The following SLC1A2 variants were observed in gnomAD, a reference collection of about 807,000 sequenced individuals.
The protein encoded by SLC1A2 is excitatory amino acid transporter 2.
SLC1A2 carries 15 observed loss-of-function variants against 48.8 expected under a neutral mutation model. The observed-to-expected ratio is 0.31, with a 90% CI of 0.21 to 0.47. The LOEUF (loss-of-function observed/expected upper bound fraction) is 0.47, where lower values mean the gene tolerates loss of function less well. Among genes scored for constraint, SLC1A2 ranks in the 20% least tolerant of loss-of-function variants. The pLI is 0.99. For missense variants in SLC1A2, 502 were observed against 730.5 expected (o/e 0.69, Z 3.61); for synonymous variants, 279 against 272.6 (o/e 1.02, Z -0.23).
At position 35,258,821 on chromosome 11, in the gene SLC1A2, T is replaced by A. The variant is rs1950350042; in HGVS notation, c.*2073A>T. The A allele has an allele frequency of 6.6e-6, 1 of 151,930 alleles. No homozygotes were observed. The highest frequency in any genetic ancestry group is 6.6e-5 in the Admixed American group (1 of 15,206). The allele number at this position is 151,930 out of a possible 1,614,324, so 9.4% of individuals were successfully genotyped here. Reference sequence around the variant, plus strand: ...CAGGCATGGTGGCATGTGCCTGTAGTCCCAGCTACTCGGGAGGCTGAGACA... The same window carrying A: ...CAGGCATGGTGGCATGTGCCTGTAGACCCAGCTACTCGGGAGGCTGAGACA... On this transcript the variant is annotated 3_prime_UTR_variant, in exon 11 of 11. Coordinates refer to ENST00000278379, the MANE Select transcript of SLC1A2 (RefSeq NM_004171.4).
chr11:35,252,402 G>A lies in SLC1A2; in HGVS notation c.*8492C>T, dbSNP rs1950250825. 6.6e-6 allele frequency: 1 copy of A among 152,116 alleles called. No individual in the cohort carries two copies. Among genetic ancestry groups the A allele is most frequent in the African/African-American group, 2.4e-5 (1 of 41,424 alleles). 9.4% of individuals were successfully genotyped at this position (152,116 alleles called of 1,614,324 possible). A position where few individuals can be genotyped will look rare whatever the true frequency, so the allele number is the denominator to read the frequency against. On this transcript the variant is annotated 3_prime_UTR_variant, in exon 11 of 11. Coordinates refer to ENST00000278379, the MANE Select transcript of SLC1A2 (RefSeq NM_004171.4). Reference sequence around the variant, plus strand: ...ATCCACCAAGCAAAGGAGGACTGTAGATGGATGTTCTCATTCTAAACCTAC... The same window carrying A: ...ATCCACCAAGCAAAGGAGGACTGTAAATGGATGTTCTCATTCTAAACCTAC...
At chr11:35,354,298 A>AT (rs113607444) in intron 1 of SLC1A2, among the ~76,000 whole-genome samples, 1 of 151,282 alleles carries the variant, frequency 6.6e-6, no homozygotes, top group Non-Finnish European at 1.5e-5. Context: ...CAAAAAAAAA[A>AT]TTTTTTTTTA....
intron 6 of SLC1A2, 56 bp from the exon 7 acceptor site, chr11:35,292,576 C>G: frequency 9.2e-7 from 1 of 1,086,422 alleles, no homozygotes; most frequent in Non-Finnish European, 1.4e-6. Flanking sequence ...GATTCAGAAC[C>G]TGGGCCTCCT....
intron 1 of SLC1A2, 44 bp downstream of exon 1, chr11:35,418,906 G>T: frequency 1.3e-6 from 2 of 1,541,234 alleles, no homozygotes; most frequent in Non-Finnish European, 1.8e-6. Flanking sequence ...ACCACCCCGC[G>T]CGTGACCCCG....
intron 1 of SLC1A2, among the ~76,000 whole-genome samples, chr11:35,326,996 C>T (rs1852272108): frequency 6.6e-6 from 1 of 152,172 alleles, no homozygotes; most frequent in Non-Finnish European, 1.5e-5. Context: ...TATCTGGAAG[C>T]CAGACAAAAG....
At chr11:35,408,168 C>G (rs1019759218) in intron 1 of SLC1A2, among the ~76,000 whole-genome samples, 2 of 152,212 alleles carry the variant, frequency 1.3e-5, no homozygotes, top group African/African-American at 4.8e-5. Context: ...CACTTGGTCA[C>G]CAAGTCCTTC....
At chr11:35,314,626 T>A (rs1851810545) in intron 3 of SLC1A2, among the ~76,000 whole-genome samples, 1 of 151,108 alleles carries the variant, frequency 6.6e-6, no homozygotes, top group Non-Finnish European at 1.5e-5. Context: ...GGCAGGAGAA[T>A]CGCTTGAACC....
intron 1 of SLC1A2, among the ~76,000 whole-genome samples, chr11:35,353,401 C>T (rs1853337597): frequency 7.7e-6 from 1 of 129,740 alleles, no homozygotes; most frequent in African/African-American, 3.1e-5. Flanking sequence ...CAGGAAGCTT[C>T]CCTGACCTAA....
At chr11:35,343,572 C>T (rs1229936113) in intron 1 of SLC1A2, among the ~76,000 whole-genome samples, 1 of 152,136 alleles carries the variant, frequency 6.6e-6, no homozygotes, top group African/African-American at 2.4e-5. Flanking sequence ...ACTCTCCATA[C>T]TTTCACTATT....
intron 1 of SLC1A2, among the ~76,000 whole-genome samples, chr11:35,319,907 T>G (rs1374923168): frequency 6.6e-6 from 1 of 152,112 alleles, no homozygotes; most frequent in East Asian, 1.9e-4. Flanking sequence ...CTTGTAAGAG[T>G]TCTTGATGTT....
chr11:35,400,819 G>T (rs144398529), intron 1 of SLC1A2, among the ~76,000 whole-genome samples: 3 of 152,150 alleles, frequency 2.0e-5, no homozygotes, highest in African/African-American at 7.2e-5. Context: ...AGCCAAATAC[G>T]AGTGACTATG....
chr11:35,407,252 C>T (rs1855326135), intron 1 of SLC1A2, among the ~76,000 whole-genome samples: 1 of 152,186 alleles, frequency 6.6e-6, no homozygotes, highest in Non-Finnish European at 1.5e-5. Flanking sequence ...CATTTCCTCC[C>T]TGTCCCTTCT....
At chr11:35,370,953 G>T in intron 1 of SLC1A2, 2 of 985,164 alleles carry the variant, frequency 2.0e-6, no homozygotes, top group Non-Finnish European at 2.4e-6. Context: ...TGCTTATTTG[G>T]ATAAATCATT....
rs527958831 is a variant in SLC1A2, at chr11:35,364,883, CA to C, written c.18-47368del. On this transcript the variant is annotated intron_variant, in intron 1 of 10. Transcript: ENST00000278379. ...ACATCACACAATTCAGTCCTCAAGA[CA>C]ACCCTGTGAGGTGGGTATTAAGCCC... 4.3e-4 allele frequency among the ~76,000 whole-genome samples: 65 copies of C among 152,326 alleles called. 1 individual carries two copies. In the South Asian group the frequency reaches 0.013, roughly 32 times the overall value.
rs1285530365 is a variant in SLC1A2 at position 35,252,942 on chromosome 11, C to T, written c.*7952G>A. On this transcript the variant is annotated 3_prime_UTR_variant, in exon 11 of 11. Transcript: ENST00000278379. ...GAAAATAGATACAATTATTGCCAGT[C>T]GAGGGTACATCTAATCTGTTTGTTT... 1 of 152,654 alleles carries T rather than the reference C, an allele frequency of 6.6e-6. No individual in the cohort carries two copies. The highest frequency in any genetic ancestry group is 1.5e-5 in the Non-Finnish European group (1 of 68,006). 9.5% of individuals were successfully genotyped at this position (152,654 alleles called of 1,614,324 possible).
At chr11:35,334,066 C>A (rs1299118960) in intron 1 of SLC1A2, among the ~76,000 whole-genome samples, 1 of 152,044 alleles carries the variant, frequency 6.6e-6, no homozygotes, top group Admixed American at 6.5e-5. Flanking sequence ...AATTATGAAA[C>A]CTAGATCCCT....
At chr11:35,324,004 C>G (rs904923185) in intron 1 of SLC1A2, among the ~76,000 whole-genome samples, 1 of 152,236 alleles carries the variant, frequency 6.6e-6, no homozygotes, top group Non-Finnish European at 1.5e-5. Context: ...AAACTTACCA[C>G]TAAGTCATTG....
chr11:35,302,201 G>A (rs1366281852), intron 5 of SLC1A2, among the ~76,000 whole-genome samples: 1 of 151,890 alleles, frequency 6.6e-6, no homozygotes, highest in African/African-American at 2.4e-5. Flanking sequence ...TAAAATGACA[G>A]GGAGAAAAAA....
chr11:35,418,981 C>T lies in SLC1A2; in HGVS notation c.-15G>A, dbSNP rs1180517185. On this transcript the variant is annotated 5_prime_UTR_variant, in exon 1 of 11. Coordinates refer to ENST00000278379, the MANE Select transcript of SLC1A2 (RefSeq NM_004171.4). Reference sequence around the variant, plus strand: ...GTAGATGCCATGGTCTGGGGAACGCCCCCTCCTCTTCAGCACTATCCGGCA... The same window carrying T: ...GTAGATGCCATGGTCTGGGGAACGCTCCCTCCTCTTCAGCACTATCCGGCA... 4 of 1,564,962 alleles carry T rather than the reference C, an allele frequency of 2.6e-6. No homozygotes were observed. The East Asian group carries it at 9.5e-5, about 37-fold the overall frequency.
Sources: allele counts gnomAD v4.1 joint callset (sites outside exome capture counted in the v4.1 genomes callset), GRCh38; gene constraint gnomAD v4.1.1; transcripts MANE v1.5; gene names NCBI Gene and HGNC (gene_info 2026-07-23, HGNC 2026-07-21).